The following EPHA6 variants were observed in gnomAD, a reference collection of about 807,000 sequenced individuals.
EPHA6 encodes ephrin type-A receptor 6.
In EPHA6, 50 loss-of-function variants were observed where a neutral mutation model predicts 112.0. The ratio of observed to expected loss-of-function variants is 0.45; its 90% CI spans 0.36 to 0.56. The LOEUF (loss-of-function observed/expected upper bound fraction) is 0.56. Among genes scored for constraint, EPHA6 ranks in the 20% least tolerant of loss-of-function variants. The pLI, the probability that EPHA6 is intolerant of heterozygous loss-of-function variation, is 0.00. For missense variants in EPHA6, 1,280 were observed against 1,417.4 expected (o/e 0.90, Z 1.56); for synonymous variants, 529 against 490.7 (o/e 1.08, Z -1.03).
intron 14 of EPHA6, among the ~76,000 whole-genome samples, chr3:97,675,791 A>T (rs887952137): frequency 1.3e-5 from 2 of 152,228 alleles, no homozygotes; most frequent in African/African-American, 4.8e-5. Context: ...CATAGATGTC[A>T]GCCTGTAGTC....
At chr3:97,230,640 A>G (rs942092212) in intron 4 of EPHA6, among the ~76,000 whole-genome samples, 10 of 152,124 alleles carry the variant, frequency 6.6e-5, no homozygotes, top group African/African-American at 2.2e-4. Context: ...CCAGTAACAA[A>G]AGAGATTAGA....
intron 3 of EPHA6, among the ~76,000 whole-genome samples, chr3:97,221,586 A>G (rs1191643641): frequency 6.6e-6 from 1 of 152,130 alleles, no homozygotes; most frequent in Non-Finnish European, 1.5e-5. Flanking sequence ...AAAAGTTCTC[A>G]AGACATGAGT....
At chr3:97,478,744 C>T (rs2091447235) in intron 8 of EPHA6, among the ~76,000 whole-genome samples, 1 of 152,046 alleles carries the variant, frequency 6.6e-6, no homozygotes, top group Non-Finnish European at 1.5e-5. Flanking sequence ...TTATGTAACA[C>T]AGACGTACTT....
intron 3 of EPHA6, among the ~76,000 whole-genome samples, chr3:97,054,230 G>T (rs1337263259): frequency 6.6e-6 from 1 of 151,700 alleles, no homozygotes; most frequent in African/African-American, 2.4e-5. Context: ...TCCCTAAAAA[G>T]AGATAGTTTA....
chr3:97,214,038 T>TGTGTGTGTGTGTGAGA (rs1491420279), intron 3 of EPHA6, among the ~76,000 whole-genome samples: 985 of 77,746 alleles, frequency 0.013, 18 homozygotes, highest in African/African-American at 0.028. Flanking sequence ...TGTGTGTGTG[T>TGTGTGTGTGTGTGAGA]GAGAGAGAGA....
At chr3:97,007,019 C>T (rs1160026005) in intron 3 of EPHA6, among the ~76,000 whole-genome samples, 1 of 152,076 alleles carries the variant, frequency 6.6e-6, no homozygotes, top group East Asian at 1.9e-4. Context: ...TGTTTTACTT[C>T]CAATTATGTG....
At chr3:97,575,420 A>G (rs1186825003) in intron 11 of EPHA6, among the ~76,000 whole-genome samples, 2 of 152,166 alleles carry the variant, frequency 1.3e-5, no homozygotes, top group Non-Finnish European at 2.9e-5. Context: ...TTCAAAAGCA[A>G]GTTAAGTGCA....
chr3:97,569,290 C>T (rs1208764231), intron 11 of EPHA6, among the ~76,000 whole-genome samples: 1 of 151,776 alleles, frequency 6.6e-6, no homozygotes, highest in African/African-American at 2.4e-5. Context: ...TCAATAAAAG[C>T]CTATTAAATT....
chr3:97,404,212 T>G (rs539468199), intron 5 of EPHA6, among the ~76,000 whole-genome samples: 3 of 152,302 alleles, frequency 2.0e-5, no homozygotes, highest in Non-Finnish European at 2.9e-5. Context: ...ATTTTTGCCT[T>G]AAATCTTTAA....
intron 12 of EPHA6, among the ~76,000 whole-genome samples, chr3:97,597,931 A>G (rs1337352544): frequency 6.6e-6 from 1 of 152,184 alleles, no homozygotes; most frequent in Non-Finnish European, 1.5e-5. Flanking sequence ...ATGCAAATAT[A>G]TAAGACTAGG....
At chr3:97,616,958 T>C (rs2093771546) in intron 13 of EPHA6, among the ~76,000 whole-genome samples, 1 of 151,996 alleles carries the variant, frequency 6.6e-6, no homozygotes, top group African/African-American at 2.4e-5. Context: ...AATGAGAAGA[T>C]TATCCTCAGG....
chr3:97,341,262 A>G (rs72926335), intron 5 of EPHA6, among the ~76,000 whole-genome samples: 11,617 of 152,226 alleles, frequency 0.076, 849 homozygotes, highest in Admixed American at 0.21. Flanking sequence ...ACTTTAAAGG[A>G]AAGGGAAAGA....
intron 2 of EPHA6, among the ~76,000 whole-genome samples, chr3:96,963,220 C>A (rs898039505): frequency 1.3e-5 from 2 of 150,106 alleles, no homozygotes; most frequent in Non-Finnish European, 3.0e-5. Flanking sequence ...AATCCCAAAC[C>A]AACTTAAAAG....
intron 5 of EPHA6, among the ~76,000 whole-genome samples, chr3:97,377,028 TCTC>T (rs1317615304): frequency 6.6e-6 from 1 of 152,088 alleles, no homozygotes; most frequent in East Asian, 1.9e-4. Context: ...CAAATATGAT[TCTC>T]CTGCACTGTG....
chr3:97,620,625 A>G lies in EPHA6; in HGVS notation c.2574+9771A>G, dbSNP rs555943852. ...GGTCAAAGGACATGAACAGACATGT[A>G]AAAGGAGACATACATGTGGCCAAGA... On this transcript the variant is annotated intron_variant, in intron 13 of 17. Coordinates refer to ENST00000389672, the MANE Select transcript of EPHA6 (RefSeq NM_001080448.3). 3.9e-5 allele frequency among the ~76,000 whole-genome samples: 6 copies of G among 151,962 alleles called. No homozygotes were observed. In the East Asian group the frequency reaches 7.8e-4, roughly 20 times the overall value.
At chr3:96,950,808 C>A (rs1005972628) in intron 2 of EPHA6, among the ~76,000 whole-genome samples, 3 of 151,872 alleles carry the variant, frequency 2.0e-5, no homozygotes, top group African/African-American at 7.3e-5. Context: ...TGTTGATATG[C>A]CAGTTTTTTA....
At chr3:97,029,604 G>A (rs2044754817) in intron 3 of EPHA6, among the ~76,000 whole-genome samples, 1 of 151,994 alleles carries the variant, frequency 6.6e-6, no homozygotes, top group Non-Finnish European at 1.5e-5. Context: ...AGGGACAAAT[G>A]AATTGCAAAG....
At chr3:97,389,354 T>C (rs115190596) in intron 5 of EPHA6, among the ~76,000 whole-genome samples, 1 of 152,062 alleles carries the variant, frequency 6.6e-6, no homozygotes, top group Admixed American at 6.6e-5. Context: ...CTGGTCAGCA[T>C]TGCACATGTC....
chr3:97,630,104 A>G lies in EPHA6; in HGVS notation c.2575-7769A>G, dbSNP rs999106320. On this transcript the variant is annotated intron_variant, in intron 13 of 17. Transcript: ENST00000389672. ...CAACCACCATGTTTCACAAATCCAT[A>G]TCTACTTATGTTCTTCCTAGGTTTT... 2.0e-5 allele frequency among the ~76,000 whole-genome samples: 3 copies of G among 151,952 alleles called. 1 individual carries two copies. Among genetic ancestry groups the G allele is most frequent in the Non-Finnish European group, 4.4e-5 (3 of 67,920 alleles).
Sources: gnomAD v4.1 joint callset for allele counts (sites outside exome capture counted in the v4.1 genomes callset) on GRCh38, gnomAD v4.1.1 for gene constraint, MANE v1.5 for transcripts, NCBI Gene and HGNC (gene_info 2026-07-23, HGNC 2026-07-21) for gene names.